Variants in SHANK2 observed in about 807,000 individuals in gnomAD.
SHANK2 encodes the protein SH3 and multiple ankyrin repeat domains 2.
SHANK2 carries 43 observed loss-of-function variants against 133.7 expected under a neutral mutation model. The observed-to-expected ratio is 0.32, with a 90% CI of 0.25 to 0.41. SHANK2 has a LOEUF of 0.41. Among genes scored for constraint, SHANK2 ranks in the 10% least tolerant of loss-of-function variants. The probability of loss-of-function intolerance (pLI) is 1.00; values close to 1 mark genes in which losing one functional copy is unlikely to be tolerated. For synonymous variants in SHANK2, 1,017 were observed against 952.8 expected (o/e 1.07, Z -1.24); for missense variants, 1,994 against 2,235.8 (o/e 0.89, Z 2.18).
At chr11:71,137,866 A>G (rs1262728367) in intron 3 of SHANK2, among the ~76,000 whole-genome samples, 11 of 152,218 alleles carry the variant, frequency 7.2e-5, no homozygotes, top group African/African-American at 2.7e-4. Flanking sequence ...TGCAGGGTCC[A>G]GGAGCAAGGA....
intron 11 of SHANK2, among the ~76,000 whole-genome samples, chr11:70,851,929 G>A (rs3017478): frequency 0.73 from 110,407 of 152,096 alleles, 40,298 homozygotes; most frequent in South Asian, 0.85. Flanking sequence ...GACTGTGATA[G>A]AATGTGATCA....
chr11:70,613,816 G>A lies in SHANK2; in HGVS notation c.2061+46012C>T, dbSNP rs2060700458. ...GTCTCACACTGTCACCCAGGCTGGA[G>A]TGTAGTGGCACAATCTCAGCTCACT... On this transcript the variant is annotated intron_variant, in intron 17 of 25. Coordinates refer to ENST00000601538, the MANE Select transcript of SHANK2 (RefSeq NM_012309.5). Among the ~76,000 whole-genome samples, 6 of 149,364 alleles carry A rather than the reference G, an allele frequency of 4.0e-5. No homozygotes were observed. The South Asian group carries it at 1.3e-3, about 32-fold the overall frequency.
intron 17 of SHANK2, chr11:70,646,015 G>A (rs1363184177): frequency 2.6e-5 from 4 of 152,284 alleles, no homozygotes; most frequent in Non-Finnish European, 4.4e-5. Context: ...CGTGGAAGGG[G>A]ACCCTGGCAT....
chr11:70,671,828 ACT>A (rs1261307864), intron 15 of SHANK2, among the ~76,000 whole-genome samples: 7 of 152,000 alleles, frequency 4.6e-5, no homozygotes, highest in Non-Finnish European at 1.0e-4. Flanking sequence ...GCTGGCACGG[ACT>A]CTGCGGTGCC....
At chr11:71,233,230 C>G (rs1371939343) in intron 1 of SHANK2, among the ~76,000 whole-genome samples, 1 of 152,080 alleles carries the variant, frequency 6.6e-6, no homozygotes, top group Non-Finnish European at 1.5e-5. Context: ...CATCCCTAAG[C>G]TGAGGAATGC....
chr11:70,508,854 A>T (rs763262361), intron 17 of SHANK2, among the ~76,000 whole-genome samples: 36 of 152,150 alleles, frequency 2.4e-4, no homozygotes, highest in Non-Finnish European at 4.1e-4. Flanking sequence ...GTGCTACTGC[A>T]CTCCAGTCTG....
In SHANK2 at chr11:70,582,327, G is replaced by A. The variant is rs896396563; in HGVS notation, c.2061+77501C>T. Among the ~76,000 whole-genome samples, 5 of 152,230 alleles carry A rather than the reference G, an allele frequency of 3.3e-5. No individual in the cohort carries two copies. In the South Asian group the frequency reaches 6.2e-4, roughly 19 times the overall value. ...ACTCTACTACTGCTGACTGAATGCCGTGGAGGCCGCCAGCCCCGGCCGGAT... is the reference window on the plus strand; with the variant it reads ...ACTCTACTACTGCTGACTGAATGCCATGGAGGCCGCCAGCCCCGGCCGGAT... On this transcript the variant is annotated intron_variant, in intron 17 of 25. Transcript: ENST00000601538.
intron 6 of SHANK2, among the ~76,000 whole-genome samples, chr11:71,097,097 T>A (rs1555095579): frequency 6.6e-6 from 1 of 152,152 alleles, no homozygotes; most frequent in African/African-American, 2.4e-5. Flanking sequence ...TCCAGGGCCA[T>A]CCAATGACAA....
intron 11 of SHANK2, among the ~76,000 whole-genome samples, chr11:70,837,801 C>G (rs1266831470): frequency 6.6e-6 from 1 of 151,646 alleles, no homozygotes; most frequent in African/African-American, 2.4e-5. Flanking sequence ...ATAGCGAAAC[C>G]CTGTTTCTAC....
chr11:71,151,154 C>T (rs1465809656), intron 2 of SHANK2, among the ~76,000 whole-genome samples: 3 of 152,292 alleles, frequency 2.0e-5, no homozygotes, highest in Non-Finnish European at 4.4e-5. Flanking sequence ...TCAGCTCACC[C>T]GCCCCATCAG....
chr11:70,814,751 A>G (rs1400322528), intron 12 of SHANK2, among the ~76,000 whole-genome samples: 1 of 152,228 alleles, frequency 6.6e-6, no homozygotes, highest in South Asian at 2.1e-4. Context: ...ATCTCCACCA[A>G]CTGAACTCAA....
At position 70,487,390 on chromosome 11, in the gene SHANK2, C is replaced by A. The variant is rs1555154428; in HGVS notation, c.2903G>T (p.Ser968Ile). Residue 968 changes from serine (S) to isoleucine (I), a missense_variant, in exon 25 of 26, where the codon AGT becomes ATT. Physicochemically the swap from Ser to Ile is moderately radical, Grantham distance 142 (BLOSUM62 -2). This residue lies in a region of SHANK2 where 488 missense variants were observed against 642.6 expected (regional missense o/e 0.76). Transcript: ENST00000601538. The surrounding 1 kb of genome is among the most constrained non-coding windows in gnomAD (Gnocchi z 5.8). ...RYSLDSEDLY[S>I]RNAGPQANFR... ...GTTGGCTTGCGGGCCGGCATTCCGACTGTAGAGGTCTTCAGAGTCCAAGGA... is the reference window on the plus strand; with the variant it reads ...GTTGGCTTGCGGGCCGGCATTCCGAATGTAGAGGTCTTCAGAGTCCAAGGA... 2 of 1,614,148 alleles carry A rather than the reference C, an allele frequency of 1.2e-6. No homozygotes were observed. Among genetic ancestry groups the A allele is most frequent in the Middle Eastern group, 1.6e-4 (1 of 6,062 alleles).
At chr11:70,709,491 G>A (rs1205979421) in intron 14 of SHANK2, among the ~76,000 whole-genome samples, 1 of 152,250 alleles carries the variant, frequency 6.6e-6, no homozygotes, top group Non-Finnish European at 1.5e-5. Flanking sequence ...GAAGGAGGAG[G>A]AAGTCTCAGC....
At chr11:70,562,994 C>A (rs1287519017) in intron 17 of SHANK2, among the ~76,000 whole-genome samples, 1 of 152,188 alleles carries the variant, frequency 6.6e-6, no homozygotes, top group African/African-American at 2.4e-5. Flanking sequence ...GCCTCAGCCT[C>A]CTGAACAGCT....
intron 14 of SHANK2, among the ~76,000 whole-genome samples, chr11:70,754,102 A>T (rs1464362077): frequency 6.6e-6 from 1 of 152,166 alleles, no homozygotes; most frequent in Non-Finnish European, 1.5e-5. Context: ...GTGAGCCACT[A>T]CGCCTGACAA....
chr11:70,672,035 C>T (rs369555804), intron 15 of SHANK2, among the ~76,000 whole-genome samples: 637 of 151,562 alleles, frequency 4.2e-3, no homozygotes, highest in Non-Finnish European at 6.9e-3. Flanking sequence ...AACACCCCAA[C>T]AGATCCCCAC....
Position 70,591,643 on chromosome 11 carries a change from C to A in SHANK2, c.2061+68185G>T, listed in dbSNP as rs193047056. 1.2e-4 allele frequency among the ~76,000 whole-genome samples: 18 copies of A among 152,262 alleles called. No individual in the cohort carries two copies. The East Asian group carries it at 3.5e-3, about 29-fold the overall frequency. ...ACAACTTAAAAAGGGACAGGAAGAC[C>A]ATGTGAAAACATCCTGAAATAGTGT... On this transcript the variant is annotated intron_variant, in intron 17 of 25. Coordinates refer to ENST00000601538, the MANE Select transcript of SHANK2 (RefSeq NM_012309.5).
intron 4 of SHANK2, among the ~76,000 whole-genome samples, chr11:71,114,152 G>A (rs540103023): frequency 6.6e-6 from 1 of 152,248 alleles, no homozygotes; most frequent in Admixed American, 6.5e-5. Context: ...ACTCAGGGCT[G>A]GGCACTTTCC....
chr11:70,950,946 A>T (rs1467801081), intron 10 of SHANK2: 2 of 160,378 alleles, frequency 1.2e-5, no homozygotes, highest in East Asian at 3.8e-4. Context: ...TGGAATTATA[A>T]GCATGAGCCA....
Sources: gnomAD v4.1 joint callset for allele counts (sites outside exome capture counted in the v4.1 genomes callset) on GRCh38, gnomAD v4.1.1 for gene constraint, gnomAD v4.1.1 regional missense constraint, Gnocchi (gnomAD v3.1) non-coding constraint, MANE v1.5 for transcripts, NCBI Gene and HGNC (gene_info 2026-07-23, HGNC 2026-07-21) for gene names.